UTRN: variants seen among roughly 807,000 people sequenced by gnomAD.
The protein encoded by UTRN is dystrophin-related protein 1.
In UTRN, 283 loss-of-function variants were observed where a neutral mutation model predicts 463.9. The observed-to-expected ratio is 0.61, with a 90% CI of 0.55 to 0.67. The LOEUF (loss-of-function observed/expected upper bound fraction) is 0.67. Among genes scored for constraint, UTRN ranks in the 30% least tolerant of loss-of-function variants. UTRN has a pLI of 0.00. For missense variants in UTRN, 3,922 were observed against 4,084.3 expected (o/e 0.96, Z 1.08); for synonymous variants, 1,442 against 1,431.5 (o/e 1.01, Z -0.17).
intron 14 of UTRN, among the ~76,000 whole-genome samples, 192 bp downstream of exon 14, chr6:144,444,574 G>A (rs777430211): frequency 1.1e-4 from 16 of 152,060 alleles, no homozygotes; most frequent in Non-Finnish European, 1.3e-4. Flanking sequence ...TGTGTCATTT[G>A]GCTCCATTAA....
intron 2 of UTRN, among the ~76,000 whole-genome samples, chr6:144,402,082 A>T (rs1029395363): frequency 7.2e-5 from 11 of 152,246 alleles, no homozygotes; most frequent in Non-Finnish European, 4.4e-5. Context: ...TACTGGCTTT[A>T]ATAGAAAATC....
intron 2 of UTRN, among the ~76,000 whole-genome samples, chr6:144,384,140 A>G (rs1404328904): frequency 1.3e-5 from 2 of 152,130 alleles, no homozygotes; most frequent in Non-Finnish European, 2.9e-5. Flanking sequence ...AACCATCACT[A>G]CCATCGTTCT....
intron 73 of UTRN, among the ~76,000 whole-genome samples, chr6:144,843,785 A>T (rs1446519221): frequency 1.3e-5 from 2 of 152,216 alleles, no homozygotes; most frequent in Non-Finnish European, 2.9e-5. Flanking sequence ...CTGAAATGCA[A>T]TGATTTCCTT....
chr6:144,514,930 G>A (rs748695249), intron 37 of UTRN, 110 bp downstream of exon 37: 224 of 1,184,728 alleles, frequency 1.9e-4, no homozygotes, highest in Non-Finnish European at 2.4e-4. Flanking sequence ...TAATTTTATT[G>A]TTTTCTCTCT....
At chr6:144,377,473 G>C (rs1456666529) in intron 2 of UTRN, among the ~76,000 whole-genome samples, 1 of 152,210 alleles carries the variant, frequency 6.6e-6, no homozygotes, top group African/African-American at 2.4e-5. Flanking sequence ...AAAGTTTGGA[G>C]TGATTACATA....
Position 144,797,887 on chromosome 6 carries a change from T to A in UTRN, c.9142T>A (p.Ser3048Thr), listed in dbSNP as rs1777367294. The change falls in exon 64 of 75, where the codon TCC becomes ACC. Residue 3048 changes from serine to threonine, a missense_variant. By Grantham distance (58) the Ser-to-Thr change is moderately conservative (BLOSUM62 1). Coordinates refer to ENST00000367545, the MANE Select transcript of UTRN (RefSeq NM_007124.3). ...AGATTGGATGCATTTGGAACCACAG[T>A]CCATGGTTTGGCTCCCAGTTTTACA... is the stretch of plus-strand genomic sequence containing the variant. Reference protein sequence around the residue: ...FIDWMHLEPQSMVWLPVLHRV... With the variant: ...FIDWMHLEPQTMVWLPVLHRV... 1.2e-6 allele frequency: 2 copies of A among 1,614,046 alleles called. No individual in the cohort carries two copies. Among genetic ancestry groups the A allele is most frequent in the Non-Finnish European group, 8.5e-7 (1 of 1,180,026 alleles).
At chr6:144,344,473 A>AAG (rs1317981781) in intron 2 of UTRN, among the ~76,000 whole-genome samples, 1 of 152,206 alleles carries the variant, frequency 6.6e-6, no homozygotes, top group Non-Finnish European at 1.5e-5. Flanking sequence ...GTGGACCCTC[A>AAG]AGAGTAGAGA....
chr6:144,573,601 C>T (rs932804734), intron 50 of UTRN, among the ~76,000 whole-genome samples: 3 of 151,996 alleles, frequency 2.0e-5, no homozygotes, highest in African/African-American at 7.2e-5. Context: ...GAGGCTGAGG[C>T]AGGAGAATTA....
chr6:144,597,321 T>C (rs969923585), intron 51 of UTRN, among the ~76,000 whole-genome samples: 20 of 152,268 alleles, frequency 1.3e-4, no homozygotes, highest in African/African-American at 4.8e-4. Flanking sequence ...CTCATTTACA[T>C]TTAACTGAAA....
intron 51 of UTRN, among the ~76,000 whole-genome samples, chr6:144,595,838 T>C (rs548753202): frequency 2.0e-4 from 30 of 152,288 alleles, no homozygotes; most frequent in African/African-American, 7.2e-4. Flanking sequence ...GAGAGTGTGA[T>C]TTTGATAGGT....
At chr6:144,548,958 G>T in intron 47 of UTRN, 104 bp downstream of exon 47, 1 of 1,228,476 alleles carries the variant, frequency 8.1e-7, no homozygotes, top group African/African-American at 1.5e-5. Context: ...AGAGAATGAG[G>T]TTTAAAAAAT....
chr6:144,574,474 G>A (rs1337124579), intron 50 of UTRN, among the ~76,000 whole-genome samples: 1 of 152,130 alleles, frequency 6.6e-6, no homozygotes, highest in Non-Finnish European at 1.5e-5. Context: ...TTATCCGTAT[G>A]TAATACCAGT....
chr6:144,349,160 C>T (rs1371167166), intron 2 of UTRN, among the ~76,000 whole-genome samples: 1 of 152,182 alleles, frequency 6.6e-6, no homozygotes, highest in East Asian at 1.9e-4. Context: ...AGGCGCCCGC[C>T]ATCACGCCCG....
At chr6:144,574,056 TG>T (rs556586811) in intron 50 of UTRN, among the ~76,000 whole-genome samples, 42 of 152,238 alleles carry the variant, frequency 2.8e-4, no homozygotes, top group Non-Finnish European at 5.1e-4. Flanking sequence ...TTGTGATAAA[TG>T]GAGAGGGTCA....
At chr6:144,574,314 AACAG>A (rs1801227183) in intron 50 of UTRN, among the ~76,000 whole-genome samples, 1 of 152,190 alleles carries the variant, frequency 6.6e-6, no homozygotes. Flanking sequence ...ATGTCATATA[AACAG>A]AATGTTAGTA....
intron 2 of UTRN, among the ~76,000 whole-genome samples, chr6:144,342,478 A>G (rs992743514): frequency 3.9e-5 from 6 of 152,330 alleles, no homozygotes; most frequent in Middle Eastern, 3.4e-3. Flanking sequence ...AAAACAACCC[A>G]AATGTTCATG....
chr6:144,693,482 A>C (rs751040873), intron 52 of UTRN, among the ~76,000 whole-genome samples: 1 of 152,236 alleles, frequency 6.6e-6, no homozygotes, highest in Non-Finnish European at 1.5e-5. Flanking sequence ...TACTTTGGGC[A>C]GTATGGTCAT....
chr6:144,338,157 T>C (rs1435763057), intron 2 of UTRN, among the ~76,000 whole-genome samples: 2 of 152,266 alleles, frequency 1.3e-5, no homozygotes, highest in East Asian at 1.9e-4. Context: ...ACAGTTTTTA[T>C]TGGCTTTTGC....
chr6:144,715,543 T>G (rs1001184609), intron 53 of UTRN, among the ~76,000 whole-genome samples: 1 of 152,150 alleles, frequency 6.6e-6, no homozygotes, highest in African/African-American at 2.4e-5. Flanking sequence ...TCTGACACAC[T>G]GGTTTCGGCC....
Sources: allele counts gnomAD v4.1 joint callset (sites outside exome capture counted in the v4.1 genomes callset), GRCh38; gene constraint gnomAD v4.1.1; transcripts MANE v1.5; gene names NCBI Gene and HGNC (gene_info 2026-07-23, HGNC 2026-07-21).